Variants in SYNE2 observed in about 807,000 individuals in gnomAD.
The protein encoded by SYNE2 is spectrin repeat containing nuclear envelope protein 2, also known as nesprin-2.
SYNE2 carries 431 observed loss-of-function variants against 856.3 expected under a neutral mutation model. The observed-to-expected ratio is 0.50, with a 90% confidence interval of 0.47 to 0.55. The LOEUF (loss-of-function observed/expected upper bound fraction) is 0.55. Ranked by LOEUF, SYNE2 falls within the 20% of genes least tolerant of loss-of-function variation. The pLI, the probability that SYNE2 is intolerant of heterozygous loss-of-function variation, is 0.00. For missense variants in SYNE2, 8,129 were observed against 8,023.2 expected, an observed-to-expected ratio of 1.01 and a Z score of -0.50; for synonymous variants, 2,923 against 2,872.3, an observed-to-expected ratio of 1.02 and a Z score of -0.56.
At position 63,996,932 on chromosome 14, in the gene SYNE2, T is replaced by G. The variant is rs1252025382; in HGVS notation, c.2941-15T>G. On this transcript the variant is annotated splice_polypyrimidine_tract_variant and intron_variant, in intron 23 of 115. Coordinates refer to ENST00000555002, the MANE Select transcript of SYNE2 (RefSeq NM_182914.3). ...CTCACCAGAAGCACATTTCCTGCTT[T>G]ATTTCTTCAATTAGGCCTGCTTTTC... 1.2e-6 allele frequency: 2 copies of G among 1,613,010 alleles called. No individual in the cohort carries two copies. Among genetic ancestry groups the G allele is most frequent in the Non-Finnish European group, 1.7e-6 (2 of 1,179,386 alleles).
intron 66 of SYNE2, among the ~76,000 whole-genome samples, chr14:64,114,427 C>T (rs185404924): frequency 6.6e-6 from 1 of 152,186 alleles, no homozygotes; most frequent in Admixed American, 6.5e-5. Context: ...TCTCAGAGTT[C>T]GCATATCACT....
chr14:64,159,782 A>G (rs1206977182), intron 87 of SYNE2, among the ~76,000 whole-genome samples: 1 of 152,222 alleles, frequency 6.6e-6, no homozygotes, highest in Non-Finnish European at 1.5e-5. Context: ...CCAGATGGGC[A>G]TCCTGCAGGG....
At chr14:64,184,819 T>C (rs2098480433) in intron 96 of SYNE2, among the ~76,000 whole-genome samples, 1 of 152,272 alleles carries the variant, frequency 6.6e-6, no homozygotes, top group Non-Finnish European at 1.5e-5. Flanking sequence ...CATGCAACCT[T>C]TAAAAAGAAT....
rs1310364386 is a variant in SYNE2, at chr14:63,924,832, GTGTT to G, written c.79+15607_79+15610del. Among the ~76,000 whole-genome samples the G allele has an allele frequency of 2.0e-3, 190 of 92,830 alleles. 28 individuals carry two copies. Among genetic ancestry groups the G allele is most frequent in the African/African-American group, 7.8e-3 (172 of 22,170 alleles). 60.9% of individuals were successfully genotyped at this position (92,830 alleles called of 152,430 possible). A position where few individuals can be genotyped will look rare whatever the true frequency, so the allele number is the denominator to read the frequency against. ...TTTAACTTTTTTCCTTCCAGCCTTG[GTGTT>G]TTTTTTTTTTTTTTTTTTTTTTTTT... is the stretch of plus-strand genomic sequence containing the variant. On this transcript the variant is annotated intron_variant, in intron 2 of 115. Transcript: ENST00000555002.
intron 21 of SYNE2, among the ~76,000 whole-genome samples, chr14:63,992,452 A>G (rs190615171): frequency 5.3e-5 from 8 of 151,620 alleles, no homozygotes; most frequent in African/African-American, 1.9e-4. Context: ...ATTTAAAAAA[A>G]TTTTTTTTAT....
intron 45 of SYNE2, among the ~76,000 whole-genome samples, chr14:64,033,199 A>T (rs1025953096): frequency 4.6e-5 from 7 of 152,154 alleles, no homozygotes; most frequent in Admixed American, 1.3e-4. Flanking sequence ...TTAAAAAGGA[A>T]AAATAACTCA....
At chr14:63,914,678 T>C (rs773649084) in intron 2 of SYNE2, among the ~76,000 whole-genome samples, 13 of 152,196 alleles carry the variant, frequency 8.5e-5, no homozygotes, top group Non-Finnish European at 1.8e-4. Flanking sequence ...ACTGTAAATA[T>C]GGGTAAGGTA....
intron 45 of SYNE2, among the ~76,000 whole-genome samples, chr14:64,032,925 T>C (rs1437779895): frequency 6.6e-6 from 1 of 152,180 alleles, no homozygotes; most frequent in Non-Finnish European, 1.5e-5. Context: ...CTCGGCACTT[T>C]GTGGGGCTGA....
intron 1 of SYNE2, among the ~76,000 whole-genome samples, chr14:63,777,360 T>C (rs1168430163): frequency 2.0e-5 from 3 of 152,204 alleles, no homozygotes; most frequent in Non-Finnish European, 4.4e-5. Flanking sequence ...TATCTTCTAC[T>C]TATACTTCTC....
At chr14:64,163,603 A>C (rs1390441408) in intron 89 of SYNE2, 22 bp downstream of exon 89, 8 of 1,613,446 alleles carry the variant, frequency 5.0e-6, no homozygotes, top group Non-Finnish European at 6.8e-6. Flanking sequence ...CTTTCCATTC[A>C]AGTTTTAGTC....
At chr14:64,047,930 A>G (rs2097197962) in intron 45 of SYNE2, 70 bp from the exon 46 acceptor site, 1 of 1,526,982 alleles carries the variant, frequency 6.5e-7, no homozygotes, top group Non-Finnish European at 9.0e-7. Flanking sequence ...GAATGTTTTC[A>G]TCAAGAAAAA....
chr14:64,209,344 C>T (rs1339894044), intron 101 of SYNE2, 84 bp from the exon 102 acceptor site: 10 of 1,606,812 alleles, frequency 6.2e-6, no homozygotes, highest in African/African-American at 2.7e-5. Flanking sequence ...CCCACTAAAC[C>T]GTGCGGGTGT....
Position 64,132,316 on chromosome 14 carries a change from G to A in SYNE2, c.14392G>A (p.Ala4798Thr). 3.7e-6 allele frequency: 6 copies of A among 1,614,088 alleles called. No homozygotes were observed. The highest frequency in any genetic ancestry group is 5.1e-6 in the Non-Finnish European group (6 of 1,180,040). The change falls in exon 77 of 116, where the codon GCC becomes ACC. Residue 4798 changes from alanine to threonine, a missense_variant. By Grantham distance (58) the Ala-to-Thr change is moderately conservative. This residue lies in a region of SYNE2 where 5,410 missense variants were observed against 5,284.8 expected (regional missense o/e 1.02). Transcript: ENST00000555002. The part of the protein sequence containing the change: ...ADMLLIQAYS[A>T]KILPSLLQNR... The stretch of plus-strand genomic sequence containing the variant: ...CATGTTGTTGATCCAAGCATACTCT[G>A]CCAAAATACTTCCTTCTTTATTGCA...
At chr14:64,202,766 T>G in intron 99 of SYNE2, 35 bp from the exon 100 acceptor site, 1 of 1,613,868 alleles carries the variant, frequency 6.2e-7, no homozygotes, top group South Asian at 1.1e-5. Flanking sequence ...CTGGTTTTTT[T>G]TTGTTTCGTT....
chr14:63,856,591 C>T (rs1891799751), intron 1 of SYNE2, among the ~76,000 whole-genome samples: 1 of 152,162 alleles, frequency 6.6e-6, no homozygotes, highest in African/African-American at 2.4e-5. Context: ...TTGGCAACAT[C>T]TTAATTAAGA....
At chr14:63,948,802 A>ATGTGTGTGTG (rs1158609856) in intron 6 of SYNE2, among the ~76,000 whole-genome samples, 3 of 107,362 alleles carry the variant, frequency 2.8e-5, no homozygotes, top group South Asian at 3.7e-4. Flanking sequence ...ATATATATAT[A>ATGTGTGTGTG]TATATATATA....
intron 51 of SYNE2, 117 bp downstream of exon 51, chr14:64,065,767 T>G: frequency 9.2e-7 from 1 of 1,091,406 alleles, no homozygotes; most frequent in Non-Finnish European, 1.4e-6. Flanking sequence ...TTTGTGCACA[T>G]CACTTATACA....
intron 2 of SYNE2, among the ~76,000 whole-genome samples, chr14:63,929,535 C>A (rs1279687083): frequency 6.6e-6 from 1 of 152,068 alleles, no homozygotes; most frequent in East Asian, 1.9e-4. Flanking sequence ...CTTTGGGAGG[C>A]CAAGGCGGGT....
chr14:63,865,710 A>ACACCC (rs1895034315), intron 1 of SYNE2, among the ~76,000 whole-genome samples: 1 of 27,108 alleles, frequency 3.7e-5, no homozygotes, highest in African/African-American at 1.1e-4. Context: ...AAAACTCTGT[A>ACACCC]CCCACCCCCC....
Sources: allele counts gnomAD v4.1 joint callset (sites outside exome capture counted in the v4.1 genomes callset), GRCh38; gene constraint gnomAD v4.1.1; regional missense constraint gnomAD v4.1.1; transcripts MANE v1.5; gene names NCBI Gene and HGNC (gene_info 2026-07-23, HGNC 2026-07-21).